The following SLC1A4 variants were observed in gnomAD, a reference collection of about 807,000 sequenced individuals.
SLC1A4 encodes the protein solute carrier family 1 member 4, also known as neutral amino acid transporter A.
SLC1A4 carries 19 observed loss-of-function variants against 37.7 expected under a neutral mutation model. The ratio of observed to expected loss-of-function variants is 0.50; its 90% CI spans 0.35 to 0.74. The LOEUF (loss-of-function observed/expected upper bound fraction) is 0.74. Ranked by LOEUF, SLC1A4 falls within the 30% of genes least tolerant of loss-of-function variation. SLC1A4 has a pLI of 0.01. For synonymous variants in SLC1A4, 299 were observed against 309.8 expected (o/e 0.97, Z 0.37); for missense variants, 570 against 712.9 (o/e 0.80, Z 2.28).
rs961938773 is a variant in SLC1A4, at chr2:65,002,578, T to C, written c.570+1088T>C. Among the ~76,000 whole-genome samples, 428 of 118,824 alleles carry C rather than the reference T, an allele frequency of 3.6e-3. 4 individuals carry two copies. Among genetic ancestry groups the C allele is most frequent in the Non-Finnish European group, 6.1e-3 (351 of 57,608 alleles). The allele number at this position is 118,824 out of a possible 152,430, so 78.0% of individuals were successfully genotyped here. A position where few individuals can be genotyped will look rare whatever the true frequency, so the allele number is the denominator to read the frequency against. ...ACAGTCCTGTGACCATTCTTTTTTTTTTTTTTTTTTTTTTTTTGAGACAGA... is the reference window on the plus strand; with the variant it reads ...ACAGTCCTGTGACCATTCTTTTTTTCTTTTTTTTTTTTTTTTTGAGACAGA... On this transcript the variant is annotated intron_variant, in intron 2 of 7. Coordinates refer to ENST00000234256, the MANE Select transcript of SLC1A4 (RefSeq NM_003038.5).
At chr2:64,995,371 C>T (rs1441416093) in intron 1 of SLC1A4, among the ~76,000 whole-genome samples, 1 of 152,160 alleles carries the variant, frequency 6.6e-6, no homozygotes, top group African/African-American at 2.4e-5. Flanking sequence ...GAGTGCTTTG[C>T]CAATATTCTA....
chr2:64,994,495 T>C (rs1394364032), intron 1 of SLC1A4, among the ~76,000 whole-genome samples: 1 of 152,262 alleles, frequency 6.6e-6, no homozygotes, highest in Non-Finnish European at 1.5e-5. Flanking sequence ...GCCATGTATA[T>C]GGTAAATACA....
At chr2:65,006,320 C>T (rs1421476542) in intron 3 of SLC1A4, among the ~76,000 whole-genome samples, 7 of 151,558 alleles carry the variant, frequency 4.6e-5, no homozygotes, top group Non-Finnish European at 7.4e-5. Context: ...GGTGAAACTC[C>T]GTCTCTACTA....
At chr2:65,006,483 C>T (rs561361849) in intron 3 of SLC1A4, among the ~76,000 whole-genome samples, 1 of 151,862 alleles carries the variant, frequency 6.6e-6, no homozygotes, top group South Asian at 2.1e-4. Context: ...CAGAGCGAGA[C>T]TCTGTCTCAA....
In SLC1A4 at chr2:65,007,322, C is replaced by T. The variant is rs147388468; in HGVS notation, c.634-3275C>T. Among the ~76,000 whole-genome samples, 462 of 151,888 alleles carry T rather than the reference C, an allele frequency of 3.0e-3. 2 individuals are homozygous for T. Among genetic ancestry groups the T allele is most frequent in the Admixed American group, 6.7e-3 (102 of 15,244 alleles). On this transcript the variant is annotated intron_variant, in intron 3 of 7. Coordinates refer to ENST00000234256, the MANE Select transcript of SLC1A4 (RefSeq NM_003038.5). The stretch of plus-strand genomic sequence containing the variant: ...GATGGGTACTATTTTAGCAGGGTGG[C>T]CAGGGAGGTCTTCTGATCAGGTGAG...
intron 5 of SLC1A4, 125 bp from the exon 6 acceptor site, chr2:65,017,946 T>G: frequency 1.3e-6 from 1 of 773,654 alleles, no homozygotes; most frequent in Non-Finnish European, 2.1e-6. Context: ...TTTCCCTTAT[T>G]TCAAGAGAAG....
chr2:65,000,287 G>A (rs909337304), intron 1 of SLC1A4: 5 of 152,138 alleles, frequency 3.3e-5, no homozygotes, highest in Admixed American at 1.3e-4. Context: ...CCATCAGCTC[G>A]ATTGCCCTAC....
chr2:65,016,582 CTTAT>C lies in SLC1A4; in HGVS notation c.950_953del (p.Tyr317LeufsTer35). 1 of 1,614,212 alleles carries C rather than the reference CTTAT, an allele frequency of 6.2e-7. No individual in the cohort carries two copies. The highest frequency in any genetic ancestry group is 8.5e-7 in the Non-Finnish European group (1 of 1,180,038). On this transcript the variant is annotated frameshift_variant, in exon 5 of 8. Transcript: ENST00000234256. LOFTEE classifies it high-confidence loss of function. ...TATTCATGGAGGAATTGTTCTGCCACTTATTTATTTTGTTTTCACACGAAAAAAC... is the reference window on the plus strand; with the variant it reads ...TATTCATGGAGGAATTGTTCTGCCACTTATTTTGTTTTCACACGAAAAAAC...
intron 2 of SLC1A4, among the ~76,000 whole-genome samples, chr2:65,002,570 C>CTTTTTTTT (rs70937394): frequency 8.5e-5 from 5 of 59,048 alleles, no homozygotes; most frequent in South Asian, 6.9e-4. Flanking sequence ...TGTGACCATT[C>CTTTTTTTT]TTTTTTTTTT....
At chr2:65,017,234 G>A (rs1171441341) in intron 5 of SLC1A4, among the ~76,000 whole-genome samples, 2 of 152,002 alleles carry the variant, frequency 1.3e-5, no homozygotes, top group South Asian at 2.1e-4. Context: ...ATTAGAAAAC[G>A]AGTCTGAGGC....
chr2:64,989,364 C>A (rs1052691821), upstream of SLC1A4: 2 of 314,662 alleles, frequency 6.4e-6, no homozygotes, highest in Non-Finnish European at 1.2e-5. Flanking sequence ...CCTACTTCCC[C>A]GTCTGCGTCC....
At position 64,989,797 on chromosome 2, in the gene SLC1A4, G is replaced by C; in HGVS notation, c.154G>C (p.Val52Leu). 1 of 1,521,852 alleles carries C rather than the reference G, an allele frequency of 6.6e-7. No homozygotes were observed. The highest frequency in any genetic ancestry group is 1.2e-5 in the South Asian group (1 of 81,086). The allele number at this position is 1,521,852 out of a possible 1,614,324, so 94.3% of individuals were successfully genotyped here. ...GCTGGTGCTGCTCACCGTGTCCGGGGTGCTGGCGGGCGCGGGCCTGGGCGC... is the reference window on the plus strand; with the variant it reads ...GCTGGTGCTGCTCACCGTGTCCGGGCTGCTGGCGGGCGCGGGCCTGGGCGC... ...QALVLLTVSG[V>L]LAGAGLGAAL... is the part of the protein sequence containing the mutation. The change falls in exon 1 of 8, where the codon GTG becomes CTG. Residue 52 changes from valine to leucine, a missense_variant. Physicochemically the swap from Val to Leu is conservative, Grantham distance 32. Transcript: ENST00000234256.
In SLC1A4 at chr2:65,010,631, T is replaced by G; in HGVS notation, c.668T>G (p.Ile223Ser). Residue 223 changes from isoleucine (I) to serine (S), a missense_variant, in exon 4 of 8, where the codon ATT (isoleucine) becomes AGT (serine). Transcript: ENST00000234256. The stretch of plus-strand genomic sequence containing the variant: ...GGCACTGAGATAGAAGGGATGAACA[T>G]TTTAGGATTGGTCCTGTTTGCTCTG... ...PIGTEIEGMN[I>S]LGLVLFALVL... 3 of 1,613,692 alleles carry G rather than the reference T, an allele frequency of 1.9e-6. No homozygotes were observed. The highest frequency in any genetic ancestry group is 2.5e-6 in the Non-Finnish European group (3 of 1,179,782).
chr2:65,020,415 C>T (rs752416220), intron 7 of SLC1A4, among the ~76,000 whole-genome samples: 1 of 152,108 alleles, frequency 6.6e-6, no homozygotes, highest in Non-Finnish European at 1.5e-5. Context: ...TACAGGCACA[C>T]TCTACCATGC....
chr2:65,018,199 T>A lies in SLC1A4; in HGVS notation c.1163T>A (p.Val388Glu), dbSNP rs1449792334. ...GACGGAGCAGCCATCTTCCAGTGTG[T>A]GGCCGCGGTGTTCATTGCGCAACTC... is the stretch of plus-strand genomic sequence containing the variant. ...NMDGAAIFQC[V>E]AAVFIAQLNN... Residue 388 changes from valine (V) to glutamate (E), a missense_variant, in exon 6 of 8, where the codon GTG becomes GAG. Val to Glu is a moderately radical substitution (Grantham distance 121, BLOSUM62 -2). Transcript: ENST00000234256. The surrounding 1 kb of genome is among the most constrained non-coding windows in gnomAD (Gnocchi z 4.3). 1 of 1,614,030 alleles carries A rather than the reference T, an allele frequency of 6.2e-7. No individual in the cohort carries two copies. Among genetic ancestry groups the A allele is most frequent in the South Asian group, 1.1e-5 (1 of 91,072 alleles).
Position 65,021,071 on chromosome 2 carries a change from C to T in SLC1A4, c.1524C>T (p.Pro508=). The T allele has an allele frequency of 1.2e-6, 2 of 1,614,188 alleles. No homozygotes were observed. Among genetic ancestry groups the T allele is most frequent in the African/African-American group, 2.7e-5 (2 of 75,044 alleles). The change falls in exon 8 of 8, where the codon CCC becomes CCT. Residue 508 remains proline (P), a synonymous_variant. Coordinates refer to ENST00000234256, the MANE Select transcript of SLC1A4 (RefSeq NM_003038.5). ...PNCKSEEETS[P]LVTHQNPAGP... ...GCAAGTCTGAGGAGGAGACATCGCCCCTGGTGACACACCAGAACCCCGCTG... is the reference window on the plus strand; with the variant it reads ...GCAAGTCTGAGGAGGAGACATCGCCTCTGGTGACACACCAGAACCCCGCTG...
intron 4 of SLC1A4, among the ~76,000 whole-genome samples, chr2:65,012,490 G>A (rs887045511): frequency 1.3e-5 from 2 of 152,172 alleles, no homozygotes; most frequent in African/African-American, 4.8e-5. Flanking sequence ...GGTAGTGCTG[G>A]ATGACAGCTG....
rs1674142789 is a variant in SLC1A4 at position 65,016,511 on chromosome 2, T to C, written c.872T>C (p.Val291Ala). 1.2e-6 allele frequency: 2 copies of C among 1,614,240 alleles called. No homozygotes were observed. The highest frequency in any genetic ancestry group is 8.5e-7 in the Non-Finnish European group (1 of 1,180,046). The change falls in exon 5 of 8, where the codon GTG becomes GCG. Residue 291 changes from valine to alanine, a missense_variant. Physicochemically the swap from Val to Ala is moderately conservative, Grantham distance 64. Transcript: ENST00000234256. ...GAAATGAAAGACATCATCGTGCTGG[T>C]GACCAGCCTGGGGAAATACATCTTC... ...IVEMKDIIVL[V>A]TSLGKYIFAS...
chr2:64,992,992 T>G (rs1292548137), intron 1 of SLC1A4, among the ~76,000 whole-genome samples: 2 of 152,210 alleles, frequency 1.3e-5, no homozygotes, highest in Non-Finnish European at 2.9e-5. Context: ...ATTAAAAAAT[T>G]GCTTCCTTCA....
Sources: allele counts gnomAD v4.1 joint callset (sites outside exome capture counted in the v4.1 genomes callset), GRCh38; gene constraint gnomAD v4.1.1; non-coding constraint Gnocchi (gnomAD v3.1); transcripts MANE v1.5; gene names NCBI Gene and HGNC (gene_info 2026-07-23, HGNC 2026-07-21).